The following EARS2 variants were observed in gnomAD, a reference collection of about 807,000 sequenced individuals.
The protein encoded by EARS2 is glutamyl-tRNA synthetase 2, mitochondrial.
In EARS2, 50 loss-of-function variants were observed where a neutral mutation model predicts 54.1. The observed-to-expected ratio is 0.92, with a 90% CI of 0.74 to 1.17. The LOEUF is 1.17. Ranked by LOEUF, EARS2 falls within the 50% of genes most tolerant of loss-of-function variation. The pLI is 0.00. For missense variants in EARS2, 673 were observed against 675.0 expected, an observed-to-expected ratio of 1.00 and a Z score of 0.03; for synonymous variants, 298 against 281.0, an observed-to-expected ratio of 1.06 and a Z score of -0.61.
chr16:23,547,509 A>AT (rs948191591), intron 2 of EARS2, among the ~76,000 whole-genome samples: 12 of 151,356 alleles, frequency 7.9e-5, no homozygotes, highest in African/African-American at 2.4e-4. Flanking sequence ...ATTATATGTC[A>AT]TTTTTTTTTC....
chr16:23,550,158 C>G (rs1965669774), intron 2 of EARS2, among the ~76,000 whole-genome samples: 1 of 151,996 alleles, frequency 6.6e-6, no homozygotes, highest in African/African-American at 2.4e-5. Flanking sequence ...GTCAGGGGTT[C>G]AACAGCAGCC....
intron 2 of EARS2, among the ~76,000 whole-genome samples, chr16:23,546,770 G>T (rs1281516504): frequency 1.3e-5 from 2 of 152,162 alleles, no homozygotes; most frequent in Non-Finnish European, 2.9e-5. Flanking sequence ...TGTTGCCCAG[G>T]CTGGTCTCAA....
At position 23,532,766 on chromosome 16, in the gene EARS2, C is replaced by T. The variant is rs1194159954; in HGVS notation, c.959-1G>A. On this transcript the variant is annotated splice_acceptor_variant, in intron 4 of 8. Coordinates refer to ENST00000449606, the MANE Select transcript of EARS2 (RefSeq NM_001083614.2). LOFTEE classifies it high-confidence loss of function. ...GGCAGGGTCCTGCCCATTTGGTTCT[C>T]TGCAAAGAAGAGAGGCCCAGCCACT... 6.2e-7 allele frequency: 1 copy of T among 1,611,648 alleles called. No individual in the cohort carries two copies. Among genetic ancestry groups the T allele is most frequent in the Non-Finnish European group, 8.5e-7 (1 of 1,178,268 alleles).
rs995773359 is a variant in EARS2, at chr16:23,552,452, T to C, written c.140-148A>G. The C allele has an allele frequency of 6.6e-6, 6 of 907,646 alleles. No individual in the cohort carries two copies. In the African/African-American group the frequency reaches 1.0e-4, roughly 15 times the overall value. The allele number at this position is 907,646 out of a possible 1,614,324, so 56.2% of individuals were successfully genotyped here. ...GCTCACGCCTGTAATCCTACCACTT[T>C]GGGAGGCCAAGGCCGGGGGGATCAC... On this transcript the variant is annotated intron_variant, in intron 1 of 8. Coordinates refer to ENST00000449606, the MANE Select transcript of EARS2 (RefSeq NM_001083614.2).
rs1965146942 is a variant in EARS2, at chr16:23,521,906, G to A, written c.*2465C>T. ...TTGGACTCTGGATCGGCACAGATCT[G>A]AGTTTAAATCTTGGTTTTGCCTCGT... is the stretch of plus-strand genomic sequence containing the variant. On this transcript the variant is annotated 3_prime_UTR_variant, in exon 9 of 9. Transcript: ENST00000449606. 4 of 444,244 alleles carry A rather than the reference G, an allele frequency of 9.0e-6. No individual in the cohort carries two copies. Among genetic ancestry groups the A allele is most frequent in the South Asian group, 6.3e-5 (4 of 63,742 alleles). 27.5% of individuals were successfully genotyped at this position (444,244 alleles called of 1,614,324 possible).
At chr16:23,545,941 G>A (rs2142186916) in intron 2 of EARS2, among the ~76,000 whole-genome samples, 1 of 152,260 alleles carries the variant, frequency 6.6e-6, no homozygotes, top group Admixed American at 6.5e-5. Flanking sequence ...TCCCACCTCA[G>A]CCTCTCGAGT....
rs202124923 is a variant in EARS2, at chr16:23,529,642, G to A, written c.1222-10C>T. 3.1e-6 allele frequency: 5 copies of A among 1,614,016 alleles called. No homozygotes were observed. In the Admixed American group the frequency reaches 8.3e-5, roughly 27 times the overall value. ...GGCGGCAAATGTGACCCTGGGGAAG[G>A]AGGCAGTCATTGAATGCACTAGGGA... On this transcript the variant is annotated splice_polypyrimidine_tract_variant and intron_variant, in intron 6 of 8. Coordinates refer to ENST00000449606, the MANE Select transcript of EARS2 (RefSeq NM_001083614.2).
rs1965177458 is a variant in EARS2, at chr16:23,523,688, AC to A, written c.*682del. ...CTGAATTCTGTCCCCCTAAATTCTT[AC>A]GTTGAGAAACCCCTGGAACCTCAGA... On this transcript the variant is annotated 3_prime_UTR_variant, in exon 9 of 9. Transcript: ENST00000449606. The A allele has an allele frequency of 6.6e-6, 1 of 152,200 alleles. No individual in the cohort carries two copies. Among genetic ancestry groups the A allele is most frequent in the South Asian group, 2.1e-4 (1 of 4,822 alleles). The allele number at this position is 152,200 out of a possible 1,614,324, so 9.4% of individuals were successfully genotyped here.
chr16:23,552,089 G>T, intron 2 of EARS2, 60 bp downstream of exon 2: 1 of 1,577,904 alleles, frequency 6.3e-7, no homozygotes, highest in Non-Finnish European at 8.6e-7. Flanking sequence ...AGACCCACAG[G>T]CTCCTTTTCC....
rs1390622615 is a variant in EARS2 at position 23,521,220 on chromosome 16, A to G, written c.*3151T>C. Among the ~76,000 whole-genome samples the G allele has an allele frequency of 1.3e-5, 2 of 152,192 alleles. No individual in the cohort carries two copies. The highest frequency in any genetic ancestry group is 2.9e-5 in the Non-Finnish European group (2 of 68,032). On this transcript the variant is annotated 3_prime_UTR_variant, in exon 9 of 9. Coordinates refer to ENST00000449606, the MANE Select transcript of EARS2 (RefSeq NM_001083614.2). ...ATAATGTTGTGCAATTATCACCACC[A>G]TTGACCCCTGTAACTACATCTTGCA...
At chr16:23,535,382 T>C (rs757705089) in intron 3 of EARS2, 22 bp from the exon 4 acceptor site, 2 of 1,583,228 alleles carry the variant, frequency 1.3e-6, no homozygotes, top group Non-Finnish European at 1.7e-6. Flanking sequence ...CAGAGCAGCA[T>C]GAGTACTGTT....
At chr16:23,529,713 C>T in intron 6 of EARS2, 31 bp downstream of exon 6, 1 of 1,613,462 alleles carries the variant, frequency 6.2e-7, no homozygotes, top group East Asian at 2.2e-5. Flanking sequence ...AGTAACCCCT[C>T]CCTCAGCTTC....
chr16:23,534,814 G>T, intron 4 of EARS2, 74 bp downstream of exon 4: 2 of 1,343,586 alleles, frequency 1.5e-6, no homozygotes, highest in East Asian at 2.4e-5. Flanking sequence ...CCAAAGAGCA[G>T]GACTGTCTGA....
Position 23,557,348 on chromosome 16 carries a change from G to A in EARS2, c.-5C>T. The A allele has an allele frequency of 6.5e-7, 1 of 1,542,514 alleles. No individual in the cohort carries two copies. The highest frequency in any genetic ancestry group is 8.7e-7 in the Non-Finnish European group (1 of 1,150,300). On this transcript the variant is annotated 5_prime_UTR_variant, in exon 1 of 9. Transcript: ENST00000449606. Reference sequence around the variant, plus strand: ...TCTCCTCAGGAGCGCCGCCATGTGGGATGGAATAGCACACGTGGGCTTCTC... The same window carrying A: ...TCTCCTCAGGAGCGCCGCCATGTGGAATGGAATAGCACACGTGGGCTTCTC...
intron 1 of EARS2, among the ~76,000 whole-genome samples, chr16:23,554,190 G>GTT (rs944866445): frequency 3.4e-5 from 5 of 146,016 alleles, no homozygotes; most frequent in African/African-American, 5.0e-5. Context: ...TTGTTTTTTG[G>GTT]TTTTTTTTTT....
chr16:23,532,418 T>C (rs1343734719), intron 5 of EARS2: 3 of 366,590 alleles, frequency 8.2e-6, no homozygotes, highest in South Asian at 7.8e-5. Flanking sequence ...GTGCCAGGGC[T>C]ATACAAGATA....
intron 4 of EARS2, among the ~76,000 whole-genome samples, 194 bp from the exon 5 acceptor site, chr16:23,532,959 C>G (rs901438957): frequency 6.6e-6 from 1 of 152,138 alleles, no homozygotes; most frequent in Non-Finnish European, 1.5e-5. Flanking sequence ...GCTGGGACTA[C>G]AGGCACATAC....
upstream of EARS2, chr16:23,557,363 GT>G: frequency 1.3e-6 from 2 of 1,538,298 alleles, no homozygotes; most frequent in Non-Finnish European, 1.7e-6. Context: ...AATAGCACAC[GT>G]GGGCTTCTCC....
intron 3 of EARS2, among the ~76,000 whole-genome samples, chr16:23,543,543 G>A (rs576722758): frequency 4.0e-5 from 6 of 151,666 alleles, no homozygotes; most frequent in Non-Finnish European, 7.4e-5. Context: ...AGGTTGGCCT[G>A]GCCAACACAG....
Sources: allele counts gnomAD v4.1 joint callset (sites outside exome capture counted in the v4.1 genomes callset), GRCh38; gene constraint gnomAD v4.1.1; transcripts MANE v1.5; gene names NCBI Gene and HGNC (gene_info 2026-07-23, HGNC 2026-07-21).